The following PRKN variants were observed in gnomAD, a reference collection of about 807,000 sequenced individuals.
PRKN encodes the protein parkin RBR E3 ubiquitin protein ligase.
PRKN carries 56 observed loss-of-function variants against 59.5 expected under a neutral mutation model. The observed-to-expected ratio is 0.94, with a 90% confidence interval of 0.76 to 1.18. PRKN has a LOEUF of 1.18. PRKN is among the 50% of genes most tolerant of loss of function. PRKN has a pLI of 0.00. For missense variants in PRKN, 657 were observed against 596.4 expected, an observed-to-expected ratio of 1.10 and a Z score of -1.06; for synonymous variants, 250 against 222.1, an observed-to-expected ratio of 1.13 and a Z score of -1.12.
At chr6:161,715,249 T>C (rs894114353) in intron 7 of PRKN, among the ~76,000 whole-genome samples, 1 of 152,192 alleles carries the variant, frequency 6.6e-6, no homozygotes, top group South Asian at 2.1e-4. Context: ...ATGTAGCAGA[T>C]AACAAAAGGC....
intron 2 of PRKN, among the ~76,000 whole-genome samples, chr6:162,304,839 G>A (rs1782151816): frequency 7.2e-6 from 1 of 138,918 alleles, no homozygotes; most frequent in Non-Finnish European, 1.6e-5. Context: ...GTGAGTGCCA[G>A]GGTAGTCAGA....
At chr6:162,666,027 T>G (rs1026946148) in intron 1 of PRKN, among the ~76,000 whole-genome samples, 1 of 152,092 alleles carries the variant, frequency 6.6e-6, no homozygotes, top group Admixed American at 6.6e-5. Flanking sequence ...ATACAAAAAT[T>G]AATTCGATTG....
chr6:161,832,253 G>A (rs1337711955), intron 6 of PRKN, among the ~76,000 whole-genome samples: 4 of 152,282 alleles, frequency 2.6e-5, no homozygotes, highest in Non-Finnish European at 4.4e-5. Flanking sequence ...ATAGAACCAC[G>A]TATTTTGAAA....
At chr6:161,673,425 C>A (rs976633835) in intron 7 of PRKN, among the ~76,000 whole-genome samples, 2 of 152,126 alleles carry the variant, frequency 1.3e-5, no homozygotes, top group Non-Finnish European at 2.9e-5. Flanking sequence ...GGGAGCAAGA[C>A]CCTGACGGGA....
chr6:162,109,282 G>A (rs1780322061), intron 4 of PRKN, among the ~76,000 whole-genome samples: 1 of 152,282 alleles, frequency 6.6e-6, no homozygotes, highest in South Asian at 2.1e-4. Flanking sequence ...ACATCAGTAA[G>A]ACAAAGAAAG....
intron 5 of PRKN, among the ~76,000 whole-genome samples, chr6:161,991,567 CGTG>C (rs1367106706): frequency 6.1e-4 from 93 of 152,098 alleles, no homozygotes; most frequent in Non-Finnish European, 8.5e-4. Flanking sequence ...ACTGGCCAGG[CGTG>C]GTGGCTCATG....
intron 2 of PRKN, among the ~76,000 whole-genome samples, chr6:162,381,252 G>C (rs1786468835): frequency 6.6e-6 from 1 of 152,070 alleles, no homozygotes; most frequent in Non-Finnish European, 1.5e-5. Flanking sequence ...CTCATAGCAT[G>C]CAGCAATAAA....
At chr6:161,875,111 TTATA>T (rs1389340070) in intron 6 of PRKN, among the ~76,000 whole-genome samples, 6 of 126,998 alleles carry the variant, frequency 4.7e-5, no homozygotes, top group Non-Finnish European at 9.2e-5. Flanking sequence ...AGTATATATA[TTATA>T]TATAAAGTAT....
chr6:161,605,853 C>T (rs754767649), intron 7 of PRKN, among the ~76,000 whole-genome samples: 7 of 152,040 alleles, frequency 4.6e-5, no homozygotes, highest in African/African-American at 7.2e-5. Flanking sequence ...AAATTACAAC[C>T]CTCTGATGAG....
rs1787832779 is a variant in PRKN, at chr6:161,416,019, T to C, written c.1084-29142A>G. On this transcript the variant is annotated intron_variant, in intron 9 of 11. Transcript: ENST00000366898. ...CGCACCTTCTCGATGAAGTTTACTCTGAAGTTCAACCTGCTCTTCCCATCC... is the reference window on the plus strand; with the variant it reads ...CGCACCTTCTCGATGAAGTTTACTCCGAAGTTCAACCTGCTCTTCCCATCC... Among the ~76,000 whole-genome samples, 4 of 152,088 alleles carry C rather than the reference T, an allele frequency of 2.6e-5. No homozygotes were observed. In the South Asian group the frequency reaches 8.3e-4, roughly 32 times the overall value.
rs373889143 is a variant in PRKN at position 162,235,926 on chromosome 6, G to C, written c.412+26599C>G. ...GAAAGGAAGGAAGGAAGGAAGGAAG[G>C]AAGGAAGGAAGGAAGGAAGGAAGGA... is the stretch of plus-strand genomic sequence containing the variant. On this transcript the variant is annotated intron_variant, in intron 3 of 11. Coordinates refer to ENST00000366898, the MANE Select transcript of PRKN (RefSeq NM_004562.3). 3.0e-3 allele frequency among the ~76,000 whole-genome samples: 226 copies of C among 75,334 alleles called. 6 individuals carry two copies. Among genetic ancestry groups the C allele is most frequent in the East Asian group, 0.023 (15 of 648 alleles). 49.4% of individuals were successfully genotyped at this position (75,334 alleles called of 152,430 possible).
At chr6:161,531,298 G>A (rs1972186) in intron 9 of PRKN, among the ~76,000 whole-genome samples, 12,918 of 151,310 alleles carry the variant, frequency 0.085, 810 homozygotes, top group African/African-American at 0.18. Context: ...GGAGAATGGC[G>A]TGAACCCGGG....
At chr6:161,654,107 C>G (rs1784251279) in intron 7 of PRKN, among the ~76,000 whole-genome samples, 1 of 151,892 alleles carries the variant, frequency 6.6e-6, no homozygotes, top group Non-Finnish European at 1.5e-5. Context: ...GCTAGGAGCG[C>G]AGGTGTGAGC....
intron 1 of PRKN, among the ~76,000 whole-genome samples, chr6:162,667,723 G>A (rs902096373): frequency 3.9e-5 from 6 of 152,078 alleles, no homozygotes; most frequent in Non-Finnish European, 1.5e-5. Flanking sequence ...CATGGATACT[G>A]GAGCTTGAAT....
At chr6:161,753,855 A>G (rs572990881) in intron 7 of PRKN, among the ~76,000 whole-genome samples, 2 of 152,256 alleles carry the variant, frequency 1.3e-5, no homozygotes, top group Admixed American at 1.3e-4. Context: ...ATCATTTTAC[A>G]TTTTAAAAAG....
chr6:161,632,076 C>T (rs1028644354), intron 7 of PRKN, among the ~76,000 whole-genome samples: 2 of 152,184 alleles, frequency 1.3e-5, no homozygotes, highest in African/African-American at 4.8e-5. Flanking sequence ...CAAGACTGTG[C>T]ACCAATGTCA....
chr6:162,428,759 G>A (rs371497124), intron 2 of PRKN, among the ~76,000 whole-genome samples: 51 of 152,120 alleles, frequency 3.4e-4, no homozygotes, highest in Non-Finnish European at 6.0e-4. Flanking sequence ...CCCATGCTCC[G>A]TCCCCCAAAC....
chr6:162,542,187 C>G (rs1020666652), intron 1 of PRKN, among the ~76,000 whole-genome samples: 4 of 152,120 alleles, frequency 2.6e-5, no homozygotes, highest in African/African-American at 9.7e-5. Context: ...AGGGATATTA[C>G]TTAGTATTTC....
At chr6:162,003,726 A>G (rs1782147440) in intron 5 of PRKN, among the ~76,000 whole-genome samples, 1 of 152,178 alleles carries the variant, frequency 6.6e-6, no homozygotes, top group South Asian at 2.1e-4. Flanking sequence ...AACACCTCAT[A>G]ATATAGCCTA....
Sources: gnomAD v4.1 joint callset for allele counts (sites outside exome capture counted in the v4.1 genomes callset) on GRCh38, gnomAD v4.1.1 for gene constraint, MANE v1.5 for transcripts, NCBI Gene and HGNC (gene_info 2026-07-23, HGNC 2026-07-21) for gene names.